The following PRPF4 variants were observed in gnomAD, a reference collection of about 807,000 sequenced individuals.
PRPF4 encodes the protein U4/U6 small nuclear ribonucleoprotein Prp4.
In PRPF4, 14 loss-of-function variants were observed where a neutral mutation model predicts 72.2. That is an observed-to-expected ratio of 0.19 (90% confidence interval 0.13 to 0.30). The LOEUF (loss-of-function observed/expected upper bound fraction) is 0.30. Ranked by LOEUF, PRPF4 falls within the 10% of genes least tolerant of loss-of-function variation. PRPF4 has a pLI of 1.00. For missense variants in PRPF4, 478 were observed against 653.9 expected (o/e 0.73, Z 2.93); for synonymous variants, 225 against 232.2 (o/e 0.97, Z 0.28).
chr9:113,276,359 G>A (rs1832094671), intron 1 of PRPF4, among the ~76,000 whole-genome samples, 189 bp from the exon 2 acceptor site: 1 of 152,180 alleles, frequency 6.6e-6, no homozygotes, highest in South Asian at 2.1e-4. Flanking sequence ...CAAAGTGAGG[G>A]ACTGAAACAC....
chr9:113,278,173 A>G (rs1832170672), intron 2 of PRPF4, among the ~76,000 whole-genome samples: 1 of 152,228 alleles, frequency 6.6e-6, no homozygotes, highest in Admixed American at 6.5e-5. Flanking sequence ...TTTATATACC[A>G]TTGAGGATAT....
intron 2 of PRPF4, among the ~76,000 whole-genome samples, chr9:113,278,506 T>C (rs1213292106): frequency 6.6e-6 from 1 of 152,272 alleles, no homozygotes; most frequent in African/African-American, 2.4e-5. Flanking sequence ...AACTCTCATT[T>C]TCCTGGTAAT....
chr9:113,281,517 C>G (rs936671842), intron 3 of PRPF4, among the ~76,000 whole-genome samples: 2 of 152,198 alleles, frequency 1.3e-5, no homozygotes, highest in African/African-American at 4.8e-5. Context: ...TGTACTGTTT[C>G]AGGGATCTTT....
chr9:113,283,229 T>C lies in PRPF4; in HGVS notation c.560+18T>C. On this transcript the variant is annotated intron_variant, in intron 5 of 13. Transcript: ENST00000374198. Reference sequence around the variant, plus strand: ...TTGCCCAGGTAAAGAGAGCCTCCAGTAGAAGAAAGAAGCATATTTTTTGTG... The same window carrying C: ...TTGCCCAGGTAAAGAGAGCCTCCAGCAGAAGAAAGAAGCATATTTTTTGTG... 6.2e-7 allele frequency: 1 copy of C among 1,614,182 alleles called. No homozygotes were observed. The highest frequency in any genetic ancestry group is 8.5e-7 in the Non-Finnish European group (1 of 1,180,030).
intron 3 of PRPF4, among the ~76,000 whole-genome samples, chr9:113,281,149 G>A (rs1264361591): frequency 1.3e-5 from 2 of 152,090 alleles, no homozygotes; most frequent in African/African-American, 4.8e-5. Flanking sequence ...GTGAGCTACC[G>A]CGCCCGGCCT....
chr9:113,285,310 C>CTGGGCAACAATAGTG (rs1233366255), intron 7 of PRPF4, among the ~76,000 whole-genome samples: 1 of 133,676 alleles, frequency 7.5e-6, no homozygotes, highest in Non-Finnish European at 1.5e-5. Flanking sequence ...TGAGACCAGG[C>CTGGGCAACAATAGTG]TGGGCAACAA....
rs1224519385 is a variant in PRPF4, at chr9:113,288,204, A to G, written c.962A>G (p.His321Arg). The part of the protein sequence containing the change: ...SDEPVADIEG[H>R]TVRVARVMWH... ...GAACCAGTGGCAGATATTGAAGGCC[A>G]TACAGTGCGTGTGGCGCGGGTAATG... Residue 321 changes from histidine (H) to arginine (R), a missense_variant, in exon 10 of 14, where the codon CAT becomes CGT. Transcript: ENST00000374198. 6.2e-7 allele frequency: 1 copy of G among 1,614,266 alleles called. No homozygotes were observed. Among genetic ancestry groups the G allele is most frequent in the East Asian group, 2.2e-5 (1 of 44,888 alleles).
chr9:113,284,728 G>A (rs1437828547), intron 7 of PRPF4, among the ~76,000 whole-genome samples: 1 of 152,062 alleles, frequency 6.6e-6, no homozygotes, highest in Non-Finnish European at 1.5e-5. Flanking sequence ...ATGTGACCTC[G>A]CTAAGATACT....
At chr9:113,285,266 G>T (rs1832401193) in intron 7 of PRPF4, among the ~76,000 whole-genome samples, 2 of 150,066 alleles carry the variant, frequency 1.3e-5, no homozygotes, top group African/African-American at 4.9e-5. Context: ...ACTTTGGAAG[G>T]CCACGGCAGG....
In PRPF4 at chr9:113,279,099, T is replaced by G. The variant is rs1180891880; in HGVS notation, c.360T>G (p.Leu120=). 6.2e-7 allele frequency: 1 copy of G among 1,613,898 alleles called. No homozygotes were observed. The highest frequency in any genetic ancestry group is 1.1e-5 in the South Asian group (1 of 90,960). Residue 120 remains leucine, a synonymous_variant, in exon 3 of 14, where the codon CTT becomes CTG. Transcript: ENST00000374198. ...CLRALGEPIT[L]FGEGPAERRE... is the part of the protein sequence containing the mutation. ...GAGCCTTGGGGGAACCCATCACACT[T>G]TTTGGAGAGGGTCCTGCTGAAAGAA...
intron 6 of PRPF4, 24 bp from the exon 7 acceptor site, chr9:113,284,271 G>T (rs1477710589): frequency 1.3e-6 from 2 of 1,509,654 alleles, no homozygotes; most frequent in Non-Finnish European, 1.8e-6. Flanking sequence ...TGATCACCGT[G>T]TGTGTATTTT....
chr9:113,291,165 C>T (rs13298925), intron 13 of PRPF4, 149 bp downstream of exon 13: 28,690 of 867,944 alleles, frequency 0.033, 631 homozygotes, highest in Middle Eastern at 0.059. Context: ...ATTTCCTTCC[C>T]TCTGCCATAC....
chr9:113,288,986 C>G (rs1832532489), intron 10 of PRPF4, among the ~76,000 whole-genome samples: 1 of 152,176 alleles, frequency 6.6e-6, no homozygotes, highest in African/African-American at 2.4e-5. Flanking sequence ...TGATCGACAC[C>G]TCTGTCAATA....
chr9:113,281,217 A>G (rs1832272504), intron 3 of PRPF4, among the ~76,000 whole-genome samples: 1 of 152,192 alleles, frequency 6.6e-6, no homozygotes, highest in African/African-American at 2.4e-5. Flanking sequence ...CTTTCGTTTC[A>G]GCATAGATGC....
chr9:113,282,990 C>A, intron 4 of PRPF4, 142 bp from the exon 5 acceptor site: 1 of 1,464,304 alleles, frequency 6.8e-7, no homozygotes. Context: ...GAAAAAAATT[C>A]AGTAGAAAGT....
chr9:113,289,204 C>T (rs1588018852), intron 10 of PRPF4, among the ~76,000 whole-genome samples: 1 of 152,248 alleles, frequency 6.6e-6, no homozygotes, highest in East Asian at 1.9e-4. Flanking sequence ...CTTTTTATTG[C>T]TGGGGGTTAT....
intron 6 of PRPF4, 64 bp downstream of exon 6, chr9:113,283,546 C>T: frequency 6.4e-7 from 1 of 1,561,236 alleles, no homozygotes; most frequent in Non-Finnish European, 8.8e-7. Context: ...GATTTTTCTA[C>T]TTTGGCTCAC....
At chr9:113,276,955 C>T (rs143305502) in intron 2 of PRPF4, among the ~76,000 whole-genome samples, 6 of 152,024 alleles carry the variant, frequency 3.9e-5, no homozygotes, top group Admixed American at 3.9e-4. Context: ...GCTGGGATTA[C>T]AGGCGCACAC....
intron 10 of PRPF4, among the ~76,000 whole-genome samples, chr9:113,288,787 C>A (rs12342197): frequency 0.09 from 13,621 of 152,174 alleles, 918 homozygotes; most frequent in African/African-American, 0.18. Flanking sequence ...TTACAAATTA[C>A]CAGAAAACAA....
Sources: gnomAD v4.1 joint callset for allele counts (sites outside exome capture counted in the v4.1 genomes callset) on GRCh38, gnomAD v4.1.1 for gene constraint, MANE v1.5 for transcripts, NCBI Gene and HGNC (gene_info 2026-07-23, HGNC 2026-07-21) for gene names.